Variants in SEPTIN7 observed in about 807,000 individuals in gnomAD.
The protein encoded by SEPTIN7 is septin-7.
A neutral mutation model predicts 63.3 loss-of-function variants in SEPTIN7; 10 were observed. The ratio of observed to expected loss-of-function variants is 0.16; its 90% CI spans 0.10 to 0.27. The LOEUF (loss-of-function observed/expected upper bound fraction) is 0.27, where lower values mean the gene tolerates loss of function less well. Ranked by LOEUF, SEPTIN7 falls within the 10% of genes least tolerant of loss-of-function variation. The probability of loss-of-function intolerance (pLI) is 1.00; values close to 1 mark genes in which losing one functional copy is unlikely to be tolerated. For synonymous variants in SEPTIN7, 131 were observed against 165.3 expected, an observed-to-expected ratio of 0.79 and a Z score of 1.59; for missense variants, 310 against 521.0, an observed-to-expected ratio of 0.59 and a Z score of 3.94.
At chr7:35,896,879 A>G (rs1787988205) in intron 11 of SEPTIN7, among the ~76,000 whole-genome samples, 2 of 152,254 alleles carry the variant, frequency 1.3e-5, no homozygotes, top group Non-Finnish European at 2.9e-5. Flanking sequence ...ATAGCATTAT[A>G]TCACATCTTT....
At chr7:35,813,759 T>G (rs566799439) in intron 1 of SEPTIN7, among the ~76,000 whole-genome samples, 2 of 152,214 alleles carry the variant, frequency 1.3e-5, no homozygotes. Flanking sequence ...ATATCAAAAC[T>G]ACCCATTCTG....
chr7:35,817,068 A>T (rs1789116743), intron 1 of SEPTIN7, among the ~76,000 whole-genome samples: 1 of 150,172 alleles, frequency 6.7e-6, no homozygotes. Context: ...TTTAATTTTG[A>T]TGAAGTCCAG....
chr7:35,878,062 T>A (rs1435355433), intron 6 of SEPTIN7, among the ~76,000 whole-genome samples: 1 of 152,228 alleles, frequency 6.6e-6, no homozygotes, highest in African/African-American at 2.4e-5. Context: ...CTATGCGTAT[T>A]GCTTGCACAC....
chr7:35,903,331 A>C, intron 13 of SEPTIN7, 116 bp downstream of exon 13: 1 of 1,394,364 alleles, frequency 7.2e-7, no homozygotes, highest in African/African-American at 1.5e-5. Flanking sequence ...ATTATCATGC[A>C]TTCCAAACAC....
chr7:35,877,158 A>G (rs1400883356), intron 6 of SEPTIN7, among the ~76,000 whole-genome samples: 1 of 152,150 alleles, frequency 6.6e-6, no homozygotes, highest in Non-Finnish European at 1.5e-5. Context: ...AACACTAGTG[A>G]GGCAAGAACA....
intron 6 of SEPTIN7, among the ~76,000 whole-genome samples, chr7:35,877,696 G>A (rs1786557664): frequency 6.6e-6 from 1 of 152,126 alleles, no homozygotes; most frequent in South Asian, 2.1e-4. Context: ...TTCTCATTTA[G>A]AATTACTAAA....
chr7:35,894,474 G>T (rs2116351368), intron 11 of SEPTIN7, among the ~76,000 whole-genome samples: 1 of 152,158 alleles, frequency 6.6e-6, no homozygotes, highest in South Asian at 2.1e-4. Context: ...TAGAAATAAA[G>T]ACAATTTGCT....
intron 3 of SEPTIN7, among the ~76,000 whole-genome samples, chr7:35,861,129 A>G (rs767443879): frequency 2.0e-5 from 3 of 151,836 alleles, no homozygotes; most frequent in Admixed American, 6.6e-5. Flanking sequence ...CAATTATTGT[A>G]TTTTTCAGCT....
At chr7:35,909,147 T>A (rs1457830332), downstream of SEPTIN7, among the ~76,000 whole-genome samples, 1 of 152,152 alleles carries the variant, frequency 6.6e-6, no homozygotes, top group Non-Finnish European at 1.5e-5. Context: ...TAGGGATAAC[T>A]CTCAATGTGA....
At chr7:35,914,023 A>G in the SEPTIN7 span, among the ~76,000 whole-genome samples, 1 of 152,248 alleles carries the variant, frequency 6.6e-6, no homozygotes, top group East Asian at 1.9e-4. Context: ...GGATATAGCC[A>G]TAGAACAGAA....
At chr7:35,845,963 T>G (rs1469600492) in intron 3 of SEPTIN7, among the ~76,000 whole-genome samples, 1 of 125,528 alleles carries the variant, frequency 8.0e-6, no homozygotes, top group African/African-American at 3.1e-5. Flanking sequence ...ATAACTCCTG[T>G]TTTTTTTTTG....
chr7:35,863,631 T>G lies in SEPTIN7; in HGVS notation c.249T>G (p.Pro83=). The G allele has an allele frequency of 6.3e-7, 1 of 1,575,670 alleles. No homozygotes were observed. Among genetic ancestry groups the G allele is most frequent in the Non-Finnish European group, 8.6e-7 (1 of 1,162,258 alleles). The part of the protein sequence containing the change: ...TDLYSPEYPG[P]SHRIKKTVQV... ...TGTATTCTCCAGAGTATCCAGGTCC[T>G]TCTCATAGAATTAAAAAGACTGTAC... is the stretch of plus-strand genomic sequence containing the variant. The change falls in exon 4 of 14, where the codon CCT becomes CCG. Residue 83 remains proline, a synonymous_variant. Coordinates refer to ENST00000350320, the MANE Select transcript of SEPTIN7 (RefSeq NM_001788.6).
intron 1 of SEPTIN7, among the ~76,000 whole-genome samples, chr7:35,816,721 A>G (rs1184830985): frequency 1.3e-5 from 2 of 152,138 alleles, no homozygotes; most frequent in African/African-American, 4.8e-5. Flanking sequence ...CAGTTTTTCC[A>G]CATTCTTGTC....
chr7:35,812,463 A>G (rs1562736188), intron 1 of SEPTIN7, among the ~76,000 whole-genome samples: 3 of 152,180 alleles, frequency 2.0e-5, no homozygotes, highest in Admixed American at 6.5e-5. Flanking sequence ...ATAGCACGAT[A>G]TATGATATAA....
rs530619317 is a variant in SEPTIN7 at position 35,906,661 on chromosome 7, A to G, written c.*2368A>G. ...AGTGGAATGGGATATCATTGCTTCC[A>G]TATCAGGTTCACAAGCAAGTTAAGT... On this transcript the variant is annotated 3_prime_UTR_variant, in exon 14 of 14. Transcript: ENST00000350320. 2.6e-5 allele frequency: 4 copies of G among 152,332 alleles called. No homozygotes were observed. The highest frequency in any genetic ancestry group is 4.8e-5 in the African/African-American group (2 of 41,574). 9.4% of individuals were successfully genotyped at this position (152,332 alleles called of 1,614,324 possible). A position where few individuals can be genotyped will look rare whatever the true frequency, so the allele number is the denominator to read the frequency against.
rs957381087 is a variant in SEPTIN7, at chr7:35,902,876, T to C, written c.1135-200T>C. The C allele has an allele frequency of 2.1e-5, 14 of 662,176 alleles. No individual in the cohort carries two copies. The African/African-American group carries it at 2.6e-4, about 12-fold the overall frequency. 41.0% of individuals were successfully genotyped at this position (662,176 alleles called of 1,614,324 possible). A position where few individuals can be genotyped will look rare whatever the true frequency, so the allele number is the denominator to read the frequency against. On this transcript the variant is annotated intron_variant, in intron 12 of 13. Coordinates refer to ENST00000350320, the MANE Select transcript of SEPTIN7 (RefSeq NM_001788.6). ...TTTCCTGTTTCCCAAGATTATTGTC[T>C]TGGGTCACTGGCCTTTTGGGTGGCA... is the stretch of plus-strand genomic sequence containing the variant.
chr7:35,894,119 G>T (rs912733770), intron 11 of SEPTIN7, among the ~76,000 whole-genome samples: 3 of 96,134 alleles, frequency 3.1e-5, no homozygotes, highest in African/African-American at 1.1e-4. Flanking sequence ...ATAAGAGGAG[G>T]GCCGTCTTTT....
At chr7:35,885,015 AC>A (rs1356302519) in intron 9 of SEPTIN7, among the ~76,000 whole-genome samples, 1 of 149,940 alleles carries the variant, frequency 6.7e-6, no homozygotes, top group Non-Finnish European at 1.5e-5. Flanking sequence ...TTATTTTTGA[AC>A]TTCGTTTTTT....
At chr7:35,804,966 G>A (rs1324176845) in intron 1 of SEPTIN7, among the ~76,000 whole-genome samples, 1 of 151,552 alleles carries the variant, frequency 6.6e-6, no homozygotes, top group Non-Finnish European at 1.5e-5. Context: ...TCAGCCTCGC[G>A]AGTAGCTGGG....
Sources: allele counts gnomAD v4.1 joint callset (sites outside exome capture counted in the v4.1 genomes callset), GRCh38; gene constraint gnomAD v4.1.1; transcripts MANE v1.5; gene names NCBI Gene and HGNC (gene_info 2026-07-23, HGNC 2026-07-21).